THBS4: variants seen among roughly 807,000 people sequenced by gnomAD.
THBS4 encodes thrombospondin-4.
Under a neutral mutation model 115.7 loss-of-function variants are expected in THBS4, and 90 were observed. The ratio of observed to expected loss-of-function variants is 0.78; its 90% CI spans 0.66 to 0.93. The LOEUF (loss-of-function observed/expected upper bound fraction) is 0.93. Ranked by LOEUF, THBS4 falls within the 40% of genes least tolerant of loss-of-function variation. The pLI is 0.00. For missense variants in THBS4, 1,087 were observed against 1,232.7 expected (o/e 0.88, Z 1.77); for synonymous variants, 460 against 479.3 (o/e 0.96, Z 0.53).
chr5:80,068,447 T>C, intron 10 of THBS4: 1 of 284,148 alleles, frequency 3.5e-6, no homozygotes, highest in Non-Finnish European at 6.7e-6. Context: ...AGCAGGGAGG[T>C]GAAGGAACAT....
At chr5:80,073,386 G>GTTTTTTTT in intron 15 of THBS4, 59 bp downstream of exon 15, 2 of 1,392,248 alleles carry the variant, frequency 1.4e-6, no homozygotes, top group Non-Finnish European at 2.0e-6. Context: ...AGGGTTTTTG[G>GTTTTTTTT]TTTGTTTTTT....
chr5:80,018,359 T>C (rs1832290339), intron 2 of THBS4, among the ~76,000 whole-genome samples: 1 of 151,624 alleles, frequency 6.6e-6, no homozygotes, highest in South Asian at 2.1e-4. Flanking sequence ...AAATTATATT[T>C]CCATTTACAG....
chr5:80,067,685 C>T (rs1288918707), intron 9 of THBS4: 1 of 276,086 alleles, frequency 3.6e-6, no homozygotes, highest in East Asian at 7.9e-5. Context: ...TCCCCTATGC[C>T]CTCCACGGTG....
intron 2 of THBS4, among the ~76,000 whole-genome samples, chr5:80,044,242 C>T (rs1158220216): frequency 6.6e-6 from 1 of 152,144 alleles, no homozygotes; most frequent in African/African-American, 2.4e-5. Flanking sequence ...CTATACAGCC[C>T]TTATCTTTGC....
At chr5:79,995,571 G>A (rs1831775204) in intron 1 of THBS4, among the ~76,000 whole-genome samples, 1 of 152,124 alleles carries the variant, frequency 6.6e-6, no homozygotes, top group East Asian at 1.9e-4. Context: ...GGACAAAATT[G>A]GCTATTATGA....
chr5:80,072,511 ACAAAG>A, intron 14 of THBS4, 115 bp downstream of exon 14: 1 of 924,008 alleles, frequency 1.1e-6, no homozygotes, highest in Non-Finnish European at 1.7e-6. Flanking sequence ...CACTTACCTA[ACAAAG>A]CAGAGGTGGA....
At chr5:80,045,317 A>G (rs1467042846) in intron 2 of THBS4, among the ~76,000 whole-genome samples, 2 of 152,090 alleles carry the variant, frequency 1.3e-5, no homozygotes, top group Admixed American at 1.3e-4. Context: ...AGGAAACCCA[A>G]AGTGTTTGCT....
At chr5:80,068,695 A>ACG (rs1424915248) in intron 10 of THBS4, 2 of 153,876 alleles carry the variant, frequency 1.3e-5, no homozygotes, top group African/African-American at 4.8e-5. Context: ...GTCTACCTCC[A>ACG]CTCCAATCAG....
chr5:80,035,397 A>C lies in THBS4; in HGVS notation c.-141A>C. On this transcript the variant is annotated 5_prime_UTR_variant, in exon 1 of 22. Coordinates refer to ENST00000350881, the MANE Select transcript of THBS4 (RefSeq NM_003248.6). The surrounding 1 kb of genome is among the most constrained non-coding windows in gnomAD (Gnocchi z 4.6). ...CGGCGGGGACGCGAGCGCGCCCCCG[A>C]CGGCAGCCCGGACGCCGAGCACGGG... 1 of 367,346 alleles carries C rather than the reference A, an allele frequency of 2.7e-6. No homozygotes were observed. The highest frequency in any genetic ancestry group is 4.3e-6 in the Non-Finnish European group (1 of 231,968). 22.8% of individuals were successfully genotyped at this position (367,346 alleles called of 1,614,324 possible).
chr5:80,020,749 G>C (rs1268279608), intron 2 of THBS4, among the ~76,000 whole-genome samples: 2 of 152,172 alleles, frequency 1.3e-5, no homozygotes, highest in Admixed American at 1.3e-4. Context: ...TGGCAATCTC[G>C]GGCACGTTGC....
chr5:80,033,450 A>AT (rs1181970124), upstream of THBS4: 1 of 157,068 alleles, frequency 6.4e-6, no homozygotes, highest in Admixed American at 6.5e-5. Flanking sequence ...GTGACCTCCA[A>AT]TGTCATGGCT....
chr5:80,035,731 C>G lies in THBS4; in HGVS notation c.88+106C>G. Reference sequence around the variant, plus strand: ...CCTGTGCTCCTGTGGCCTTGCTCAGCCCCTCTCTGTCCCTCCCGGGCCCAA... The same window carrying G: ...CCTGTGCTCCTGTGGCCTTGCTCAGGCCCTCTCTGTCCCTCCCGGGCCCAA... On this transcript the variant is annotated intron_variant, in intron 1 of 21. Coordinates refer to ENST00000350881, the MANE Select transcript of THBS4 (RefSeq NM_003248.6). This position sits in a 1 kb window ranked among gnomAD's most constrained non-coding sequence, Gnocchi z 4.6. 1.3e-6 allele frequency: 1 copy of G among 786,852 alleles called. No individual in the cohort carries two copies. Among genetic ancestry groups the G allele is most frequent in the South Asian group, 5.3e-5 (1 of 18,948 alleles). 48.7% of individuals were successfully genotyped at this position (786,852 alleles called of 1,614,324 possible).
rs148899407 is a variant in THBS4, at chr5:80,067,785, C to CA, written c.1195-187dup. The CA allele has an allele frequency of 7.5e-3, 4,430 of 594,232 alleles. 160 individuals are homozygous for CA. The African/African-American group carries it at 0.075, about 10-fold the overall frequency. The allele number at this position is 594,232 out of a possible 1,614,324, so 36.8% of individuals were successfully genotyped here. On this transcript the variant is annotated intron_variant, in intron 9 of 21. Coordinates refer to ENST00000350881, the MANE Select transcript of THBS4 (RefSeq NM_003248.6). ...TGTCTGAGTGGCCGGACGCAGCCTCCAGTCTGATGGTGTTTTCATCAACAT... is the reference window on the plus strand; with the variant it reads ...TGTCTGAGTGGCCGGACGCAGCCTCCAAGTCTGATGGTGTTTTCATCAACAT...
At chr5:80,006,846 T>C (rs1002017984) in intron 2 of THBS4, among the ~76,000 whole-genome samples, 1 of 152,214 alleles carries the variant, frequency 6.6e-6, no homozygotes, top group African/African-American at 2.4e-5. Context: ...ATATGCAATC[T>C]ATGCATGTAA....
chr5:80,026,700 A>G (rs1832483767), intron 2 of THBS4, among the ~76,000 whole-genome samples: 1 of 152,222 alleles, frequency 6.6e-6, no homozygotes, highest in Non-Finnish European at 1.5e-5. Flanking sequence ...AACTATAAAA[A>G]TTATTCTTAG....
intron 2 of THBS4, among the ~76,000 whole-genome samples, chr5:80,000,575 C>A (rs990277178): frequency 3.3e-4 from 50 of 152,184 alleles, no homozygotes; most frequent in Admixed American, 3.3e-3. Context: ...CATTTCCATC[C>A]TAGGGATGGG....
rs568357663 is a variant in THBS4, at chr5:80,007,246, A to G, written n.177+8819A>G. On this transcript the variant is annotated intron_variant and non_coding_transcript_variant, in intron 2 of 3. Coordinates refer to the THBS4 transcript ENST00000510218. ...GGGAGTAATTAAGTTTATTTTTTTC[A>G]TATGAATTTCACAGACATATACAAT... Among the ~76,000 whole-genome samples, 6 of 152,332 alleles carry G rather than the reference A, an allele frequency of 3.9e-5. No homozygotes were observed. In the South Asian group the frequency reaches 1.0e-3, roughly 26 times the overall value.
At chr5:80,005,501 A>G (rs1831996719) in intron 2 of THBS4, among the ~76,000 whole-genome samples, 1 of 152,224 alleles carries the variant, frequency 6.6e-6, no homozygotes, top group South Asian at 2.1e-4. Context: ...ACCACAAAGC[A>G]TCTTAAACTT....
intron 16 of THBS4, 28 bp downstream of exon 16, chr5:80,077,076 A>G: frequency 6.5e-7 from 1 of 1,537,140 alleles, no homozygotes; most frequent in Non-Finnish European, 8.8e-7. Context: ...AGAGCTGCAC[A>G]GCACCCCTGG....
Sources: allele counts gnomAD v4.1 joint callset (sites outside exome capture counted in the v4.1 genomes callset), GRCh38; gene constraint gnomAD v4.1.1; non-coding constraint Gnocchi (gnomAD v3.1); transcripts MANE v1.5; gene names NCBI Gene and HGNC (gene_info 2026-07-23, HGNC 2026-07-21).